FGGY: variants seen among roughly 807,000 people sequenced by gnomAD.
FGGY encodes the protein FGGY carbohydrate kinase domain-containing protein.
Under a neutral mutation model 71.3 loss-of-function variants are expected in FGGY, and 72 were observed. The observed-to-expected ratio is 1.01, with a 90% CI of 0.84 to 1.23. FGGY has a LOEUF of 1.23. Among genes scored for constraint, FGGY ranks in the 50% most tolerant of loss-of-function variants. The pLI is 0.00. For missense variants in FGGY, 668 were observed against 682.3 expected (o/e 0.98, Z 0.23); for synonymous variants, 251 against 250.3 (o/e 1.00, Z -0.02).
At chr1:59,363,986 A>G (rs1261818719) in intron 4 of FGGY, among the ~76,000 whole-genome samples, 1 of 152,226 alleles carries the variant, frequency 6.6e-6, no homozygotes, top group Non-Finnish European at 1.5e-5. Context: ...AAGGATGCAC[A>G]TACCCAAATA....
At chr1:59,420,571 G>A (rs2065233640) in intron 5 of FGGY, among the ~76,000 whole-genome samples, 1 of 152,132 alleles carries the variant, frequency 6.6e-6, no homozygotes, top group Non-Finnish European at 1.5e-5. Flanking sequence ...TACTTAAACG[G>A]TAGAGACTGA....
intron 7 of FGGY, among the ~76,000 whole-genome samples, chr1:59,532,943 C>T (rs1558245038): frequency 6.6e-6 from 1 of 151,820 alleles, no homozygotes. Flanking sequence ...CAATACAAAA[C>T]TCTATTTTAT....
chr1:59,345,471 G>A (rs2051644640), intron 3 of FGGY, among the ~76,000 whole-genome samples: 1 of 152,226 alleles, frequency 6.6e-6, no homozygotes, highest in Non-Finnish European at 1.5e-5. Flanking sequence ...CAGGATATGA[G>A]GGGCAGTGCT....
chr1:59,587,721 C>A (rs1391505653), intron 8 of FGGY, among the ~76,000 whole-genome samples: 5 of 152,180 alleles, frequency 3.3e-5, no homozygotes, highest in Admixed American at 3.3e-4. Flanking sequence ...CTCCAACAGA[C>A]CTGCAGCTGA....
intron 1 of FGGY, among the ~76,000 whole-genome samples, chr1:59,313,552 A>T (rs2153101649): frequency 6.6e-6 from 1 of 152,204 alleles, no homozygotes; most frequent in South Asian, 2.1e-4. Context: ...TGGGTAAAGA[A>T]ACTGTGATAT....
At chr1:59,683,953 T>G (rs1371762774) in intron 14 of FGGY, among the ~76,000 whole-genome samples, 1 of 152,194 alleles carries the variant, frequency 6.6e-6, no homozygotes, top group African/African-American at 2.4e-5. Context: ...TTTTCTGCTC[T>G]CCTCTGCTGC....
intron 9 of FGGY, among the ~76,000 whole-genome samples, chr1:59,613,175 C>A (rs995745401): frequency 6.6e-6 from 1 of 152,180 alleles, no homozygotes; most frequent in African/African-American, 2.4e-5. Flanking sequence ...AACTCTCCAC[C>A]CCAAATCAAC....
rs1172188554 is a variant in FGGY, at chr1:59,378,808, A to G, written c.525A>G (p.Leu175=). ...AGHFFDLPDF[L]SWKATGVTAR... ...ATTTCTTTGATCTCCCGGACTTCTT[A>G]TCGTGGAAGGCAACAGGTGTCACAG... Residue 175 remains leucine (L), a synonymous_variant, in exon 5 of 16, where the codon TTA becomes TTG. Coordinates refer to ENST00000303721, the MANE Select transcript of FGGY (RefSeq NM_018291.5). 4 of 1,613,448 alleles carry G rather than the reference A, an allele frequency of 2.5e-6. No individual in the cohort carries two copies. Among genetic ancestry groups the G allele is most frequent in the Non-Finnish European group, 3.4e-6 (4 of 1,179,644 alleles).
intron 8 of FGGY, among the ~76,000 whole-genome samples, chr1:59,572,011 G>T (rs1386391629): frequency 3.3e-5 from 5 of 152,214 alleles, no homozygotes; most frequent in Admixed American, 3.3e-4. Context: ...ATTGCAGGTT[G>T]TTGAGGTTAA....
At chr1:59,752,294 G>A (rs913518187) in intron 14 of FGGY, among the ~76,000 whole-genome samples, 19 of 152,188 alleles carry the variant, frequency 1.2e-4, no homozygotes. Context: ...ACCTGTAAGT[G>A]CTAGGACTGT....
chr1:59,467,347 G>A lies in FGGY; in HGVS notation c.670+10271G>A, dbSNP rs146159606. 4.2e-3 allele frequency among the ~76,000 whole-genome samples: 643 copies of A among 152,074 alleles called. 6 individuals are homozygous for A. Among genetic ancestry groups the A allele is most frequent in the African/African-American group, 0.015 (626 of 41,476 alleles). ...TGGGGAATATACACCAGGGCCTGTC[G>A]TGGGGTGGGGGAATGGGGGAGGGAT... On this transcript the variant is annotated intron_variant, in intron 6 of 15. Coordinates refer to ENST00000303721, the MANE Select transcript of FGGY (RefSeq NM_018291.5).
chr1:59,550,206 G>A (rs770025742), intron 7 of FGGY, among the ~76,000 whole-genome samples: 5 of 152,108 alleles, frequency 3.3e-5, no homozygotes, highest in Non-Finnish European at 7.4e-5. Context: ...CAGCGGTACC[G>A]AGGGCTGCAC....
chr1:59,373,016 C>G (rs1165670055), intron 4 of FGGY, among the ~76,000 whole-genome samples: 1 of 152,124 alleles, frequency 6.6e-6, no homozygotes, highest in South Asian at 2.1e-4. Context: ...GGGATGCCCT[C>G]TCTCACCACT....
rs181876875 is a variant in FGGY at position 59,370,307 on chromosome 1, C to T, written c.466-8442C>T. Among the ~76,000 whole-genome samples the T allele has an allele frequency of 2.3e-3, 341 of 150,408 alleles. 1 individual carries two copies. Among genetic ancestry groups the T allele is most frequent in the African/African-American group, 7.9e-3 (327 of 41,224 alleles). ...GACGATGCGATCACCTGGAAGAAAG[C>T]GATGGAAGATGAAATGAATGAAATG... On this transcript the variant is annotated intron_variant, in intron 4 of 15. Coordinates refer to ENST00000303721, the MANE Select transcript of FGGY (RefSeq NM_018291.5).
At chr1:59,541,326 T>C (rs2095437029) in intron 7 of FGGY, among the ~76,000 whole-genome samples, 1 of 152,040 alleles carries the variant, frequency 6.6e-6, no homozygotes, top group African/African-American at 2.4e-5. Flanking sequence ...CGGCTATAGA[T>C]TGGCAAGCAG....
At chr1:59,428,607 G>T (rs570235594) in intron 5 of FGGY, among the ~76,000 whole-genome samples, 2 of 152,236 alleles carry the variant, frequency 1.3e-5, no homozygotes, top group Non-Finnish European at 2.9e-5. Flanking sequence ...GGGTCAGTTT[G>T]TCTAACTCTG....
chr1:59,363,989 C>A (rs538710532), intron 4 of FGGY, among the ~76,000 whole-genome samples: 1 of 152,214 alleles, frequency 6.6e-6, no homozygotes, highest in African/African-American at 2.4e-5. Flanking sequence ...GATGCACATA[C>A]CCAAATAGAC....
chr1:59,405,738 A>T (rs1266169274), intron 5 of FGGY, among the ~76,000 whole-genome samples: 1 of 152,114 alleles, frequency 6.6e-6, no homozygotes, highest in Non-Finnish European at 1.5e-5. Flanking sequence ...AGTCGACCTT[A>T]GTCATTTGCC....
chr1:59,335,721 A>G (rs1204138019), intron 2 of FGGY, among the ~76,000 whole-genome samples: 4 of 152,136 alleles, frequency 2.6e-5, no homozygotes, highest in Non-Finnish European at 4.4e-5. Context: ...AGTGTGCAGT[A>G]GTATCTTATT....
Sources: allele counts gnomAD v4.1 joint callset (sites outside exome capture counted in the v4.1 genomes callset), GRCh38; gene constraint gnomAD v4.1.1; transcripts MANE v1.5; gene names NCBI Gene and HGNC (gene_info 2026-07-23, HGNC 2026-07-21).